RBFOX1: variants seen among roughly 807,000 people sequenced by gnomAD.
RBFOX1 encodes the protein RNA binding protein fox-1 homolog 1.
In RBFOX1, 8 loss-of-function variants were observed where a neutral mutation model predicts 57.7. The ratio of observed to expected loss-of-function variants is 0.14; its 90% CI spans 0.08 to 0.25. The LOEUF is 0.25. Among genes scored for constraint, RBFOX1 ranks in the 10% least tolerant of loss-of-function variants. The pLI, the probability that RBFOX1 is intolerant of heterozygous loss-of-function variation, is 1.00. For synonymous variants in RBFOX1, 326 were observed against 222.4 expected, an observed-to-expected ratio of 1.47 and a Z score of -4.15; for missense variants, 611 against 548.5, an observed-to-expected ratio of 1.11 and a Z score of -1.14.
chr16:7,056,195 G>A (rs914811497), intron 4 of RBFOX1, among the ~76,000 whole-genome samples: 22 of 152,118 alleles, frequency 1.4e-4, no homozygotes, highest in African/African-American at 5.1e-4. Flanking sequence ...CCAAAGAAGG[G>A]CATCAGCCAG....
chr16:6,804,031 G>A (rs1159306182), intron 3 of RBFOX1, among the ~76,000 whole-genome samples: 1 of 151,280 alleles, frequency 6.6e-6, no homozygotes, highest in Non-Finnish European at 1.5e-5. Flanking sequence ...TTTCGAGATG[G>A]AGTCTTGCAC....
At chr16:6,095,809 C>T (rs893100049) in intron 1 of RBFOX1, among the ~76,000 whole-genome samples, 1 of 152,068 alleles carries the variant, frequency 6.6e-6, no homozygotes, top group Non-Finnish European at 1.5e-5. Context: ...GGGATCGTTA[C>T]CAACAGTGCC....
chr16:7,030,815 C>T (rs951119428), intron 3 of RBFOX1, among the ~76,000 whole-genome samples: 1 of 152,162 alleles, frequency 6.6e-6, no homozygotes, highest in African/African-American at 2.4e-5. Flanking sequence ...AGGTCCAGGA[C>T]TTGACTTCAT....
At chr16:5,866,953 T>A (rs1341400994) in intron 3 of RBFOX1, among the ~76,000 whole-genome samples, 1 of 152,224 alleles carries the variant, frequency 6.6e-6, no homozygotes, top group Non-Finnish European at 1.5e-5. Flanking sequence ...ACATTAAAAA[T>A]GTCTTCAGTG....
rs142936759 is a variant in RBFOX1 at position 7,163,263 on chromosome 16, G to A, written c.27+111165G>A. Among the ~76,000 whole-genome samples the A allele has an allele frequency of 4.6e-3, 693 of 152,216 alleles. 3 individuals are homozygous for A. The highest frequency in any genetic ancestry group is 7.0e-3 in the Non-Finnish European group (478 of 68,014). On this transcript the variant is annotated intron_variant, in intron 4 of 15. Coordinates refer to ENST00000550418, the MANE Select transcript of RBFOX1 (RefSeq NM_018723.4). Reference sequence around the variant, plus strand: ...TTTGACTATTACGTTGTTTGATTTGGACGAAGGGGCAGGGGGTTGTATAAA... The same window carrying A: ...TTTGACTATTACGTTGTTTGATTTGAACGAAGGGGCAGGGGGTTGTATAAA...
intron 3 of RBFOX1, among the ~76,000 whole-genome samples, chr16:6,939,522 T>C (rs2077979050): frequency 6.6e-6 from 1 of 151,738 alleles, no homozygotes; most frequent in South Asian, 2.1e-4. Flanking sequence ...TTTTTTTTCT[T>C]TTTTTTGAGA....
At chr16:7,019,428 G>C (rs1249040053) in intron 3 of RBFOX1, among the ~76,000 whole-genome samples, 1 of 152,072 alleles carries the variant, frequency 6.6e-6, no homozygotes, top group African/African-American at 2.4e-5. Context: ...GAGTGGGAGA[G>C]TGCATTCATG....
At chr16:5,474,879 A>G (rs1039399803) in intron 2 of RBFOX1, among the ~76,000 whole-genome samples, 3 of 152,226 alleles carry the variant, frequency 2.0e-5, no homozygotes, top group African/African-American at 4.8e-5. Context: ...CACAAAGGCT[A>G]TTTATTGACT....
At chr16:5,427,005 T>C (rs1215621019) in intron 1 of RBFOX1, among the ~76,000 whole-genome samples, 2 of 152,086 alleles carry the variant, frequency 1.3e-5, no homozygotes, top group Non-Finnish European at 2.9e-5. Flanking sequence ...TGTAGGGCCC[T>C]CAGCACCCAG....
chr16:6,555,972 G>A (rs372481685), intron 2 of RBFOX1, among the ~76,000 whole-genome samples: 5 of 152,148 alleles, frequency 3.3e-5, no homozygotes, highest in South Asian at 2.1e-4. Flanking sequence ...TGGATGAAAG[G>A]GGTTCTTTAT....
At chr16:5,984,550 C>A (rs899394984) in intron 4 of RBFOX1, among the ~76,000 whole-genome samples, 4 of 152,054 alleles carry the variant, frequency 2.6e-5, no homozygotes, top group Admixed American at 2.6e-4. Context: ...ACTTACCTAA[C>A]CCTTGGAACA....
chr16:7,504,154 G>T (rs2071958667), intron 4 of RBFOX1, among the ~76,000 whole-genome samples: 1 of 152,104 alleles, frequency 6.6e-6, no homozygotes, highest in African/African-American at 2.4e-5. Context: ...GAACCATCAT[G>T]ACCTGAGATA....
intron 3 of RBFOX1, among the ~76,000 whole-genome samples, chr16:6,805,487 A>G (rs556402616): frequency 2.0e-4 from 31 of 152,240 alleles, no homozygotes; most frequent in African/African-American, 7.2e-4. Context: ...TCCCCATAAC[A>G]TGAGTTTACC....
intron 2 of RBFOX1, among the ~76,000 whole-genome samples, chr16:6,437,671 A>G (rs955484663): frequency 6.6e-6 from 1 of 152,212 alleles, no homozygotes; most frequent in African/African-American, 2.4e-5. Flanking sequence ...TATAGGAGGC[A>G]TGGCTGGGAG....
intron 1 of RBFOX1, among the ~76,000 whole-genome samples, chr16:6,050,104 G>A (rs1452290179): frequency 2.0e-5 from 3 of 151,936 alleles, no homozygotes; most frequent in Non-Finnish European, 4.4e-5. Context: ...AACTGCAGGT[G>A]TATGCCACGA....
intron 4 of RBFOX1, among the ~76,000 whole-genome samples, chr16:7,385,521 G>A (rs2097860545): frequency 1.3e-5 from 2 of 152,296 alleles, no homozygotes; most frequent in Middle Eastern, 3.4e-3. Context: ...GTAGTGAGTG[G>A]GAAGAGCAGG....
In RBFOX1 at chr16:6,694,744, A is replaced by G. The variant is rs113980909; in HGVS notation, c.-16+40094A>G. On this transcript the variant is annotated intron_variant, in intron 3 of 15. Coordinates refer to ENST00000550418, the MANE Select transcript of RBFOX1 (RefSeq NM_018723.4). ...AACTCCATTGGTAATAGGTATAAAA[A>G]TGAATTCCAGCATTGCCTCTCATTT... 2.5e-3 allele frequency among the ~76,000 whole-genome samples: 388 copies of G among 152,316 alleles called. 3 individuals are homozygous for G. Among genetic ancestry groups the G allele is most frequent in the African/African-American group, 8.9e-3 (371 of 41,574 alleles).
intron 2 of RBFOX1, among the ~76,000 whole-genome samples, chr16:6,609,595 T>A (rs1464067792): frequency 2.6e-5 from 4 of 151,868 alleles, no homozygotes; most frequent in Admixed American, 6.6e-5. Context: ...TTCCTTAATT[T>A]AAAAAAAAAT....
intron 4 of RBFOX1, among the ~76,000 whole-genome samples, chr16:7,481,176 G>C (rs1029028771): frequency 1.3e-5 from 2 of 152,168 alleles, no homozygotes; most frequent in African/African-American, 4.8e-5. Flanking sequence ...GTCTGGATTA[G>C]AAACTGAGTA....
Sources: gnomAD v4.1 joint callset for allele counts (sites outside exome capture counted in the v4.1 genomes callset) on GRCh38, gnomAD v4.1.1 for gene constraint, MANE v1.5 for transcripts, NCBI Gene and HGNC (gene_info 2026-07-23, HGNC 2026-07-21) for gene names.